The following KCTD1 variants were observed in gnomAD, a reference collection of about 807,000 sequenced individuals.
KCTD1 encodes potassium channel tetramerization domain containing 1, also known as BTB/POZ domain-containing protein KCTD1.
A neutral mutation model predicts 66.0 loss-of-function variants in KCTD1; 24 were observed. The ratio of observed to expected loss-of-function variants is 0.36; its 90% confidence interval spans 0.26 to 0.51. The LOEUF is 0.51. KCTD1 is among the 20% of genes least tolerant of loss of function. KCTD1 has a pLI of 0.95. For missense variants in KCTD1, 943 were observed against 1,205.2 expected, an observed-to-expected ratio of 0.78 and a Z score of 3.22; for synonymous variants, 511 against 517.2, an observed-to-expected ratio of 0.99 and a Z score of 0.16.
Position 26,473,563 on chromosome 18 carries a change from T to TTAATAATAATAA in KCTD1, c.2133+2940_2133+2951dup, listed in dbSNP as rs10551915. On this transcript the variant is annotated intron_variant, in intron 3 of 4. Coordinates refer to ENST00000580059, the MANE Select transcript of KCTD1 (RefSeq NM_001142730.3). Reference sequence around the variant, plus strand: ...TGCACATGCACCCCAGAACTTAAAATTAATAATAATAATAATAATAATAAT... The same window carrying TTAATAATAATAA: ...TGCACATGCACCCCAGAACTTAAAATTAATAATAATAATAATAATAATAATAATAATAATAAT... Among the ~76,000 whole-genome samples the TTAATAATAATAA allele has an allele frequency of 5.0e-3, 734 of 146,716 alleles. 3 individuals are homozygous for TTAATAATAATAA. The highest frequency in any genetic ancestry group is 0.015 in the African/African-American group (589 of 39,902).
intron 1 of KCTD1, among the ~76,000 whole-genome samples, chr18:26,601,326 TAAAAAAAA>T: frequency 1.1e-5 from 1 of 93,252 alleles, no homozygotes; most frequent in African/African-American, 4.3e-5. Context: ...TGTTCATTGG[TAAAAAAAA>T]AAAAAAAAAA....
At chr18:26,644,435 G>A (rs139200073), upstream of KCTD1, among the ~76,000 whole-genome samples, 103 of 152,142 alleles carry the variant, frequency 6.8e-4, no homozygotes, top group Non-Finnish European at 1.3e-3. Flanking sequence ...AGGGAGAGTT[G>A]ACAAGGAAGA....
chr18:26,579,653 T>C lies in KCTD1; in HGVS notation c.-16+49494A>G, dbSNP rs115008111. ...TAAATTACATGCAAAACACAAAAGT[T>C]ATTTCCCATCATCAAATTTTCATAT... On this transcript the variant is annotated intron_variant, in intron 1 of 4. Transcript: ENST00000317932. Among the ~76,000 whole-genome samples the C allele has an allele frequency of 1.4e-3, 208 of 152,344 alleles. 1 individual carries two copies. The highest frequency in any genetic ancestry group is 4.8e-3 in the African/African-American group (201 of 41,592).
At chr18:26,588,274 A>C (rs1986514122) in intron 1 of KCTD1, among the ~76,000 whole-genome samples, 1 of 132,998 alleles carries the variant, frequency 7.5e-6, no homozygotes, top group African/African-American at 2.7e-5. Context: ...GACTCTGTAG[A>C]AAGAAAAGAA....
rs147952240 is a variant in KCTD1 at position 26,459,817 on chromosome 18, A to G, written c.2242T>C (p.Cys748Arg). 11 of 1,614,080 alleles carry G rather than the reference A, an allele frequency of 6.8e-6. No individual in the cohort carries two copies. The East Asian group carries it at 1.1e-4, about 16-fold the overall frequency. The change falls in exon 4 of 5, where the codon TGT (cysteine) becomes CGT (arginine). Residue 748 changes from cysteine to arginine, a missense_variant. Physicochemically the swap from Cys to Arg is radical, Grantham distance 180 (BLOSUM62 -3). Transcript: ENST00000580059. The part of the protein sequence containing the change: ...DRETGRFSRP[C>R]ECLVVRVAPD... ...GCCACACGCACGACGAGGCACTCACAGGGCCTTGAAAATCGACCAGTTTCT... is the reference window on the plus strand; with the variant it reads ...GCCACACGCACGACGAGGCACTCACGGGGCCTTGAAAATCGACCAGTTTCT...
chr18:26,621,624 A>C lies in KCTD1; in HGVS notation c.-16+7523T>G, dbSNP rs758702549. ...AATGCACTAATAGGAAACTTGCACA[A>C]GGGGGCAGGGCAGAGCCGCGGTGAA... On this transcript the variant is annotated intron_variant, in intron 1 of 4. Transcript: ENST00000317932. Among the ~76,000 whole-genome samples the C allele has an allele frequency of 8.5e-5, 13 of 152,270 alleles. No homozygotes were observed. The East Asian group carries it at 2.3e-3, about 27-fold the overall frequency.
chr18:26,548,579 A>G, upstream of KCTD1: 11 of 1,205,522 alleles, frequency 9.1e-6, no homozygotes, highest in East Asian at 3.5e-5. Context: ...CGCATGCGCT[A>G]TATTGGACCG....
At chr18:26,656,058 G>T (rs912442880) in intron 1 of KCTD1, among the ~76,000 whole-genome samples, 3 of 152,080 alleles carry the variant, frequency 2.0e-5, no homozygotes, top group African/African-American at 7.2e-5. Context: ...GCGGCAGTTG[G>T]GGGGGCGGAG....
At chr18:26,518,143 G>T (rs1482383209) in intron 1 of KCTD1, among the ~76,000 whole-genome samples, 1 of 152,294 alleles carries the variant, frequency 6.6e-6, no homozygotes, top group Non-Finnish European at 1.5e-5. Flanking sequence ...TTCCAGAAGA[G>T]AATTTAAAAG....
chr18:26,639,134 G>A (rs558649063), intron 1 of KCTD1, among the ~76,000 whole-genome samples: 2 of 152,350 alleles, frequency 1.3e-5, no homozygotes, highest in South Asian at 4.1e-4. Context: ...GAACCATGGA[G>A]ATTGCTTGAG....
At chr18:26,607,320 G>A (rs1157304792) in intron 1 of KCTD1, among the ~76,000 whole-genome samples, 2 of 152,144 alleles carry the variant, frequency 1.3e-5, no homozygotes, top group Non-Finnish European at 2.9e-5. Context: ...CATGAGCCAC[G>A]TGCCTGGCTA....
chr18:26,530,794 GT>G (rs1299229973), intron 1 of KCTD1, among the ~76,000 whole-genome samples: 3 of 152,112 alleles, frequency 2.0e-5, no homozygotes, highest in African/African-American at 7.2e-5. Context: ...GACGATGTGG[GT>G]TTTTTTCTTT....
At chr18:26,480,002 A>T (rs565353206) in intron 2 of KCTD1, among the ~76,000 whole-genome samples, 1 of 150,824 alleles carries the variant, frequency 6.6e-6, no homozygotes, top group South Asian at 2.1e-4. Flanking sequence ...ACTAGCCAAG[A>T]CCAAGCTGGC....
At chr18:26,465,516 CTT>C in intron 3 of KCTD1, among the ~76,000 whole-genome samples, 1 of 152,208 alleles carries the variant, frequency 6.6e-6, no homozygotes. Context: ...CCCGACTACT[CTT>C]GTTTTCCTGG....
chr18:26,548,297 G>GTCC lies in KCTD1; in HGVS notation c.237_239dup (p.Glu79dup), dbSNP rs760825235. The GTCC allele has an allele frequency of 1.0e-5, 15 of 1,477,688 alleles. No individual in the cohort carries two copies. Among genetic ancestry groups the GTCC allele is most frequent in the East Asian group, 5.3e-5 (2 of 37,982 alleles). The allele number at this position is 1,477,688 out of a possible 1,614,324, so 91.5% of individuals were successfully genotyped here. ...CGTCCTCCTCCAGCCCCCCACCTCC[G>GTCC]TCCTCCTCCTCCTCCTCGTCCCCCG... On this transcript the variant is annotated inframe_insertion, in exon 1 of 5. Coordinates refer to ENST00000580059, the MANE Select transcript of KCTD1 (RefSeq NM_001142730.3).
At chr18:26,583,314 A>G (rs1986397048) in intron 1 of KCTD1, among the ~76,000 whole-genome samples, 1 of 147,924 alleles carries the variant, frequency 6.8e-6, no homozygotes, top group African/African-American at 2.5e-5. Flanking sequence ...GAATCACTTG[A>G]ACCCAGGAGG....
intron 1 of KCTD1, among the ~76,000 whole-genome samples, chr18:26,639,356 G>A (rs905116562): frequency 9.9e-5 from 15 of 152,154 alleles, no homozygotes; most frequent in African/African-American, 3.6e-4. Flanking sequence ...CAGCAGATGC[G>A]GGGCTCCCGA....
In KCTD1 at chr18:26,455,711, T is replaced by C. The variant is rs3753; in HGVS notation, c.*32A>G. 194,379 of 1,613,082 alleles carry C rather than the reference T, an allele frequency of 0.12. 13,251 individuals are homozygous for C. Among genetic ancestry groups the C allele is most frequent in the African/African-American group, 0.24 (17,828 of 74,826 alleles). ...TTTTGTTTGAGTTATTGGTTGTGTG[T>C]GTTTTCCTTTTTGCATAAGAAATAT... On this transcript the variant is annotated 3_prime_UTR_variant, in exon 5 of 5. Transcript: ENST00000580059.
At chr18:26,470,112 A>G (rs1430815565) in intron 3 of KCTD1, among the ~76,000 whole-genome samples, 2 of 152,180 alleles carry the variant, frequency 1.3e-5, no homozygotes, top group Non-Finnish European at 2.9e-5. Context: ...CCATTCATCT[A>G]TTTACCCATC....
Sources: gnomAD v4.1 joint callset for allele counts (sites outside exome capture counted in the v4.1 genomes callset) on GRCh38, gnomAD v4.1.1 for gene constraint, MANE v1.5 for transcripts, NCBI Gene and HGNC (gene_info 2026-07-23, HGNC 2026-07-21) for gene names.